The following RESF1 variants were observed in gnomAD, a reference collection of about 807,000 sequenced individuals.
The protein encoded by RESF1 is retroelement silencing factor 1.
A neutral mutation model predicts 134.7 loss-of-function variants in RESF1; 65 were observed. The ratio of observed to expected loss-of-function variants is 0.48; its 90% CI spans 0.40 to 0.59. The LOEUF (loss-of-function observed/expected upper bound fraction) is 0.59, where lower values mean the gene tolerates loss of function less well. Ranked by LOEUF, RESF1 falls within the 20% of genes least tolerant of loss-of-function variation. The pLI is 0.00. For synonymous variants in RESF1, 762 were observed against 702.2 expected (o/e 1.09, Z -1.35); for missense variants, 2,274 against 2,002.7 (o/e 1.14, Z -2.59).
At chr12:31,971,725 C>G (rs1056093575) in intron 3 of RESF1, among the ~76,000 whole-genome samples, 3 of 152,144 alleles carry the variant, frequency 2.0e-5, no homozygotes, top group Admixed American at 1.3e-4. Context: ...CTGACATCCC[C>G]TAGTTTCAGA....
chr12:31,971,603 T>C lies in RESF1; in HGVS notation c.-79+1247T>C, dbSNP rs535702966. Among the ~76,000 whole-genome samples, 9 of 152,370 alleles carry C rather than the reference T, an allele frequency of 5.9e-5. No homozygotes were observed. In the East Asian group the frequency reaches 1.7e-3, roughly 29 times the overall value. ...TTCTCTGTCTTTTGGATTGTGATAT[T>C]ATGAAATATATCTCTGGTCTTTATC... On this transcript the variant is annotated intron_variant, in intron 3 of 5. Transcript: ENST00000312561.
At chr12:31,963,787 ACAC>A (rs1205855414) in intron 2 of RESF1, among the ~76,000 whole-genome samples, 1 of 152,226 alleles carries the variant, frequency 6.6e-6, no homozygotes, top group East Asian at 1.9e-4. Context: ...CATATTCTGA[ACAC>A]TTCATATAAT....
At chr12:31,961,435 G>T (rs762603191) in intron 2 of RESF1, among the ~76,000 whole-genome samples, 3 of 152,126 alleles carry the variant, frequency 2.0e-5, no homozygotes, top group Non-Finnish European at 4.4e-5. Context: ...TATAAAATGG[G>T]GACAAGCACT....
chr12:31,981,887 T>C lies in RESF1; in HGVS notation c.932T>C (p.Met311Thr), dbSNP rs544938362. ...LSMEVPQSREMLSSEIRTSFQ... is the reference protein window; with the variant it reads ...LSMEVPQSRETLSSEIRTSFQ... The stretch of plus-strand genomic sequence containing the variant: ...ATGGAAGTTCCTCAGAGTCGAGAAA[T>C]GCTGTCATCTGAAATAAGGACCAGC... Residue 311 changes from methionine (M) to threonine (T), a missense_variant, in exon 4 of 6, where the codon ATG (methionine) becomes ACG (threonine). By Grantham distance (81) the Met-to-Thr change is moderately conservative. Coordinates refer to ENST00000312561, the MANE Select transcript of RESF1 (RefSeq NM_018169.4). The C allele has an allele frequency of 3.6e-5, 58 of 1,614,164 alleles. No individual in the cohort carries two copies. Among genetic ancestry groups the C allele is most frequent in the Non-Finnish European group, 8.5e-7 (1 of 1,180,026 alleles).
intron 4 of RESF1, among the ~76,000 whole-genome samples, chr12:31,986,341 A>T (rs1006482834): frequency 6.6e-5 from 10 of 152,316 alleles, no homozygotes; most frequent in African/African-American, 2.2e-4. Context: ...TTGGACTTGT[A>T]ATTTGAAAGC....
intron 3 of RESF1, among the ~76,000 whole-genome samples, chr12:31,973,590 A>G (rs150952579): frequency 1.7e-3 from 260 of 152,176 alleles, no homozygotes; most frequent in African/African-American, 5.2e-3. Flanking sequence ...CTAGTAGGCA[A>G]TCTTCCAAAA....
intron 2 of RESF1, chr12:31,962,403 T>G (rs1319690534): frequency 6.6e-6 from 1 of 152,160 alleles, no homozygotes; most frequent in African/African-American, 2.4e-5. Flanking sequence ...AAACATTCAC[T>G]TTGGAAGAAG....
intron 3 of RESF1, among the ~76,000 whole-genome samples, chr12:31,975,166 C>CG (rs1939602539): frequency 6.6e-6 from 1 of 151,640 alleles, no homozygotes. Flanking sequence ...CCCAGCTACT[C>CG]GGGAGGCTGA....
intron 4 of RESF1, among the ~76,000 whole-genome samples, chr12:31,986,563 C>T (rs1257794194): frequency 6.6e-6 from 1 of 152,168 alleles, no homozygotes; most frequent in Non-Finnish European, 1.5e-5. Flanking sequence ...AATTTAAAAT[C>T]TTTAAAGCCA....
rs373858204 is a variant in RESF1 at position 31,984,440 on chromosome 12, T to C, written c.3485T>C (p.Ile1162Thr). 7 of 1,614,074 alleles carry C rather than the reference T, an allele frequency of 4.3e-6. No individual in the cohort carries two copies. In the African/African-American group the frequency reaches 5.3e-5, roughly 12 times the overall value. Residue 1162 changes from isoleucine (I) to threonine (T), a missense_variant, in exon 4 of 6, where the codon ATA (isoleucine) becomes ACA (threonine). By Grantham distance (89) the Ile-to-Thr change is moderately conservative (BLOSUM62 -1). Coordinates refer to ENST00000312561, the MANE Select transcript of RESF1 (RefSeq NM_018169.4). ...PAAGQSRDSV[I>T]LDSEKDDIHC... Reference sequence around the variant, plus strand: ...GCTGGACAAAGTCGTGATTCTGTGATACTGGACTCTGAGAAAGATGATATC... The same window carrying C: ...GCTGGACAAAGTCGTGATTCTGTGACACTGGACTCTGAGAAAGATGATATC...
chr12:31,983,470 A>G lies in RESF1; in HGVS notation c.2515A>G (p.Lys839Glu), dbSNP rs758703601. Residue 839 changes from lysine (K) to glutamate (E), a missense_variant, in exon 4 of 6, where the codon AAG becomes GAG. Transcript: ENST00000312561. ...GATTTTTCCACTAACTCAGAAGGAA[A>G]AGCAGAATGAGTCAACTAATGGTAA... ...TKIFPLTQKE[K>E]QNESTNGNSE... 1.9e-6 allele frequency: 3 copies of G among 1,613,944 alleles called. No individual in the cohort carries two copies. The highest frequency in any genetic ancestry group is 2.5e-6 in the Non-Finnish European group (3 of 1,180,012).
rs1592262590 is a variant in RESF1 at position 31,983,524 on chromosome 12, G to A, written c.2569G>A (p.Gly857Arg). 1 of 1,614,040 alleles carries A rather than the reference G, an allele frequency of 6.2e-7. No individual in the cohort carries two copies. The highest frequency in any genetic ancestry group is 8.5e-7 in the Non-Finnish European group (1 of 1,179,990). ...AGAAGTCACACCTAATGTCAATCAA[G>A]GAAAGCATAACAAATTAGAGTCAGC... ...NSEVTPNVNQ[G>R]KHNKLESAIH... The change falls in exon 4 of 6, where the codon GGA becomes AGA. Residue 857 changes from glycine to arginine, a missense_variant. Transcript: ENST00000312561.
intron 3 of RESF1, among the ~76,000 whole-genome samples, chr12:31,975,251 C>T (rs11051715): frequency 0.094 from 14,229 of 151,764 alleles, 772 homozygotes; most frequent in Non-Finnish European, 0.13. Flanking sequence ...GGCGACAGAG[C>T]GAGACTCCAT....
rs1226878474 is a variant in RESF1 at position 31,984,865 on chromosome 12, T to C, written c.3910T>C (p.Phe1304Leu). The change falls in exon 4 of 6, where the codon TTT (phenylalanine) becomes CTT (leucine). Residue 1304 changes from phenylalanine (F) to leucine (L), a missense_variant. Transcript: ENST00000312561. ...RKKLRFHEVT[F>L]HSSNKMTASY... ...AAAATTGAGGTTTCACGAGGTAACCTTTCACTCCAGTAATAAAATGACAGC... is the reference window on the plus strand; with the variant it reads ...AAAATTGAGGTTTCACGAGGTAACCCTTCACTCCAGTAATAAAATGACAGC... The C allele has an allele frequency of 6.2e-7, 1 of 1,606,996 alleles. No individual in the cohort carries two copies.
At position 31,985,010 on chromosome 12, in the gene RESF1, C is replaced by CT; in HGVS notation, c.4058dup (p.Leu1353PhefsTer18). ...AAAGATGTGTATAAGAAGCATAGTT[C>CT]TTTGGGACAGTCATTATCACCAGAA... On this transcript the variant is annotated frameshift_variant, in exon 4 of 6. Coordinates refer to ENST00000312561, the MANE Select transcript of RESF1 (RefSeq NM_018169.4). LOFTEE classifies it high-confidence loss of function. 1 of 1,601,672 alleles carries CT rather than the reference C, an allele frequency of 6.2e-7. No homozygotes were observed. Among genetic ancestry groups the CT allele is most frequent in the Non-Finnish European group, 8.5e-7 (1 of 1,177,182 alleles).
chr12:31,982,407 G>T lies in RESF1; in HGVS notation c.1452G>T (p.Met484Ile), dbSNP rs754711107. ...CAGAAACAAATAAGACTCAATGTAT[G>T]TTGAATTCTGACATTCAGGAAGTCA... ...ESAETNKTQC[M>I]LNSDIQEVNC... Residue 484 changes from methionine to isoleucine, a missense_variant, in exon 4 of 6, where the codon ATG (methionine) becomes ATT (isoleucine). Transcript: ENST00000312561. 1.2e-6 allele frequency: 2 copies of T among 1,613,962 alleles called. No homozygotes were observed. Among genetic ancestry groups the T allele is most frequent in the African/African-American group, 2.7e-5 (2 of 74,948 alleles).
At chr12:31,969,297 G>A (rs1939459941) in intron 2 of RESF1, among the ~76,000 whole-genome samples, 1 of 152,136 alleles carries the variant, frequency 6.6e-6, no homozygotes, top group South Asian at 2.1e-4. Context: ...TGAGCCTCAG[G>A]AGTTCAAGAC....
intron 3 of RESF1, among the ~76,000 whole-genome samples, chr12:31,977,727 A>T (rs576753979): frequency 6.6e-6 from 1 of 151,828 alleles, no homozygotes; most frequent in East Asian, 1.9e-4. Flanking sequence ...AAAGTTTATA[A>T]TCAAGCTTGT....
At position 31,983,968 on chromosome 12, in the gene RESF1, A is replaced by G; in HGVS notation, c.3013A>G (p.Ser1005Gly). The change falls in exon 4 of 6, where the codon AGC becomes GGC. Residue 1005 changes from serine to glycine, a missense_variant. Transcript: ENST00000312561. Reference protein sequence around the residue: ...KSSLEHATEKSTANDTCSSAA... With the variant: ...KSSLEHATEKGTANDTCSSAA... Reference sequence around the variant, plus strand: ...TAGTTTGGAGCATGCCACTGAAAAAAGCACAGCTAACGATACGTGCTCGTC... The same window carrying G: ...TAGTTTGGAGCATGCCACTGAAAAAGGCACAGCTAACGATACGTGCTCGTC... 6.2e-7 allele frequency: 1 copy of G among 1,613,668 alleles called. No homozygotes were observed.
Sources: allele counts gnomAD v4.1 joint callset (sites outside exome capture counted in the v4.1 genomes callset), GRCh38; gene constraint gnomAD v4.1.1; transcripts MANE v1.5; gene names NCBI Gene and HGNC (gene_info 2026-07-23, HGNC 2026-07-21).